VEZT: variants seen among roughly 807,000 people sequenced by gnomAD.
VEZT encodes the protein vezatin.
Under a neutral mutation model 79.9 loss-of-function variants are expected in VEZT, and 39 were observed. That is an observed-to-expected ratio of 0.49 (90% CI 0.38 to 0.64). The LOEUF is 0.64. Among genes scored for constraint, VEZT ranks in the 30% least tolerant of loss-of-function variants. The pLI is 0.00. For synonymous variants in VEZT, 325 were observed against 327.6 expected, an observed-to-expected ratio of 0.99 and a Z score of 0.09; for missense variants, 837 against 893.1, an observed-to-expected ratio of 0.94 and a Z score of 0.80.
At chr12:95,243,895 T>A (rs967845045) in intron 1 of VEZT, 33 of 453,024 alleles carry the variant, frequency 7.3e-5, no homozygotes, top group African/African-American at 6.4e-4. Context: ...TTGGCCCCTT[T>A]GCACATACCC....
chr12:95,283,426 G>A (rs1404392601), intron 8 of VEZT, among the ~76,000 whole-genome samples: 2 of 152,124 alleles, frequency 1.3e-5, no homozygotes, highest in Non-Finnish European at 1.5e-5. Flanking sequence ...AATTGTGTTG[G>A]TAATCAGGAA....
In VEZT at chr12:95,302,425, G is replaced by A. The variant is rs943183714; in HGVS notation, c.*1752G>A. 2.0e-5 allele frequency: 3 copies of A among 152,044 alleles called. No homozygotes were observed. Among genetic ancestry groups the A allele is most frequent in the African/African-American group, 7.2e-5 (3 of 41,402 alleles). The allele number at this position is 152,044 out of a possible 1,614,324, so 9.4% of individuals were successfully genotyped here. Reference sequence around the variant, plus strand: ...TTAATCGAGAATTTCCAGTCTTTCAGTCTGATCTATTTAATTCACTACTTG... The same window carrying A: ...TTAATCGAGAATTTCCAGTCTTTCAATCTGATCTATTTAATTCACTACTTG... On this transcript the variant is annotated 3_prime_UTR_variant, in exon 12 of 12. Transcript: ENST00000436874.
chr12:95,241,207 A>AT (rs142458775), intron 1 of VEZT, among the ~76,000 whole-genome samples: 8 of 150,030 alleles, frequency 5.3e-5, no homozygotes, highest in African/African-American at 9.8e-5. Flanking sequence ...TAATTTTTGT[A>AT]TTTTTTTTTA....
intron 1 of VEZT, among the ~76,000 whole-genome samples, chr12:95,251,143 T>C (rs549002367): frequency 2.8e-4 from 42 of 152,278 alleles, no homozygotes; most frequent in African/African-American, 1.0e-3. Flanking sequence ...CCCGAGTAGA[T>C]GGGATTACAG....
intron 1 of VEZT, among the ~76,000 whole-genome samples, chr12:95,220,372 T>C (rs2057382019): frequency 6.6e-6 from 1 of 152,144 alleles, no homozygotes; most frequent in South Asian, 2.1e-4. Flanking sequence ...GGAGAATCAC[T>C]TGAGCCTGGG....
rs1199850900 is a variant in VEZT, at chr12:95,285,790, TAAAG to T, written c.1329-1869_1329-1866del. On this transcript the variant is annotated intron_variant, in intron 8 of 11. Transcript: ENST00000436874. ...ATATTGTAGTCTTTTTCTTTTCTGA[TAAAG>T]AAAGCAACTACAGAAAGCTTGTATT... 7.9e-5 allele frequency among the ~76,000 whole-genome samples: 12 copies of T among 152,088 alleles called. No individual in the cohort carries two copies. The South Asian group carries it at 1.5e-3, about 18-fold the overall frequency.
In VEZT at chr12:95,302,712, A is replaced by G. The variant is rs1421829012; in HGVS notation, c.*2039A>G. On this transcript the variant is annotated 3_prime_UTR_variant, in exon 12 of 12. Coordinates refer to ENST00000436874, the MANE Select transcript of VEZT (RefSeq NM_017599.4). Reference sequence around the variant, plus strand: ...ATTTTTAAAATGCAAATTTTAGACCATACTCCCAGTGATTCTTAGTTGGTC... The same window carrying G: ...ATTTTTAAAATGCAAATTTTAGACCGTACTCCCAGTGATTCTTAGTTGGTC... 6.6e-6 allele frequency: 1 copy of G among 152,170 alleles called. No homozygotes were observed. Among genetic ancestry groups the G allele is most frequent in the African/African-American group, 2.4e-5 (1 of 41,444 alleles). 9.4% of individuals were successfully genotyped at this position (152,170 alleles called of 1,614,324 possible).
chr12:95,255,988 C>T (rs2063412441), intron 2 of VEZT, among the ~76,000 whole-genome samples: 3 of 152,080 alleles, frequency 2.0e-5, no homozygotes, highest in African/African-American at 7.2e-5. Flanking sequence ...TGGAGTGCGC[C>T]ACCATCCCCA....
chr12:95,237,766 T>G (rs947580637), intron 1 of VEZT, among the ~76,000 whole-genome samples: 1 of 152,230 alleles, frequency 6.6e-6, no homozygotes, highest in Non-Finnish European at 1.5e-5. Context: ...TACCTTAAAA[T>G]TTCTTGACTT....
chr12:95,235,662 C>CG (rs1379185160), intron 1 of VEZT, among the ~76,000 whole-genome samples: 11 of 133,756 alleles, frequency 8.2e-5, no homozygotes, highest in African/African-American at 3.2e-4. Context: ...GCTGGCCGGG[C>CG]GGGGGGCTGA....
chr12:95,270,986 C>T (rs2066479856), intron 6 of VEZT, among the ~76,000 whole-genome samples: 1 of 152,154 alleles, frequency 6.6e-6, no homozygotes, highest in African/African-American at 2.4e-5. Context: ...AAATATAATA[C>T]TTAAAGTTTA....
intron 1 of VEZT, among the ~76,000 whole-genome samples, chr12:95,239,721 G>A (rs986188298): frequency 3.9e-5 from 6 of 152,136 alleles, no homozygotes; most frequent in Non-Finnish European, 7.3e-5. Context: ...GGAGGCCAAG[G>A]AGGGCAGATC....
intron 1 of VEZT, among the ~76,000 whole-genome samples, chr12:95,251,043 T>C (rs2062515910): frequency 6.6e-6 from 1 of 152,018 alleles, no homozygotes; most frequent in African/African-American, 2.4e-5. Flanking sequence ...GGAGTTTTGC[T>C]CTTGTCGCCC....
chr12:95,273,143 T>G (rs530937252), intron 6 of VEZT, among the ~76,000 whole-genome samples: 1 of 152,304 alleles, frequency 6.6e-6, no homozygotes, highest in East Asian at 1.9e-4. Flanking sequence ...AGAAAACACC[T>G]GGTTTATATG....
At chr12:95,241,145 C>G (rs2060957376) in intron 1 of VEZT, among the ~76,000 whole-genome samples, 1 of 152,168 alleles carries the variant, frequency 6.6e-6, no homozygotes, top group Non-Finnish European at 1.5e-5. Flanking sequence ...GATTCTCCTG[C>G]CTCAGGCCTC....
intron 1 of VEZT, among the ~76,000 whole-genome samples, chr12:95,240,227 A>G (rs12309090): frequency 0.11 from 17,178 of 152,232 alleles, 1,261 homozygotes; most frequent in East Asian, 0.16. Flanking sequence ...GAAACCATTC[A>G]GTAAAGTGCC....
At chr12:95,232,595 A>G (rs189401822) in intron 1 of VEZT, among the ~76,000 whole-genome samples, 200 of 152,266 alleles carry the variant, frequency 1.3e-3, no homozygotes, top group Non-Finnish European at 2.2e-3. Flanking sequence ...GTTAGTAGCT[A>G]GTGTGCCTGT....
intron 1 of VEZT, among the ~76,000 whole-genome samples, chr12:95,234,717 C>T (rs1333610405): frequency 1.3e-5 from 2 of 151,878 alleles, no homozygotes; most frequent in East Asian, 1.9e-4. Flanking sequence ...TGTGATTTGG[C>T]AGGGTCACAG....
intron 1 of VEZT, among the ~76,000 whole-genome samples, chr12:95,222,996 T>C (rs2057849973): frequency 6.6e-6 from 1 of 152,234 alleles, no homozygotes; most frequent in Non-Finnish European, 1.5e-5. Context: ...CAATTTTCTA[T>C]TTTGATAACT....
Sources: gnomAD v4.1 joint callset for allele counts (sites outside exome capture counted in the v4.1 genomes callset) on GRCh38, gnomAD v4.1.1 for gene constraint, MANE v1.5 for transcripts, NCBI Gene and HGNC (gene_info 2026-07-23, HGNC 2026-07-21) for gene names.